The following ARHGAP8 variants were observed in gnomAD, a reference collection of about 807,000 sequenced individuals.
ARHGAP8 encodes the protein rho GTPase-activating protein 8.
Under a neutral mutation model 46.1 loss-of-function variants are expected in ARHGAP8, and 62 were observed. The observed-to-expected ratio is 1.34, with a 90% confidence interval of 1.10 to 1.66. ARHGAP8 has a LOEUF of 1.66. ARHGAP8 is among the 40% of genes most tolerant of loss of function. The pLI is 0.00. For missense variants in ARHGAP8, 923 were observed against 568.4 expected, an observed-to-expected ratio of 1.62 and a Z score of -6.34; for synonymous variants, 375 against 243.1, an observed-to-expected ratio of 1.54 and a Z score of -5.05.
rs1159919420 is a variant in ARHGAP8, at chr22:44,763,450, C to A, written c.-72+10823C>A. 3.4e-5 allele frequency among the ~76,000 whole-genome samples: 5 copies of A among 145,326 alleles called. No homozygotes were observed. In the Admixed American group the frequency reaches 3.4e-4, roughly 10 times the overall value. The stretch of plus-strand genomic sequence containing the variant: ...AGGCAGAGGTTGCACCGAGATCACG[C>A]CACTGCATTCCAGCCCGGGTGACAA... On this transcript the variant is annotated intron_variant, in intron 1 of 11. Transcript: ENST00000356099.
At chr22:44,818,450 C>CAAAAA (rs749292883) in intron 5 of ARHGAP8, among the ~76,000 whole-genome samples, 5 of 125,426 alleles carry the variant, frequency 4.0e-5, no homozygotes, top group African/African-American at 1.4e-4. Flanking sequence ...ACTCCAGTCT[C>CAAAAA]AAAAAAAAAA....
chr22:44,763,398 G>A (rs1350175931), intron 1 of ARHGAP8, among the ~76,000 whole-genome samples: 1 of 148,638 alleles, frequency 6.7e-6, no homozygotes, highest in Non-Finnish European at 1.5e-5. Flanking sequence ...TCGGGAGGCT[G>A]AGACACAAGA....
At chr22:44,774,934 G>A (rs951520223) in intron 1 of ARHGAP8, among the ~76,000 whole-genome samples, 33 of 152,020 alleles carry the variant, frequency 2.2e-4, no homozygotes, top group African/African-American at 6.3e-4. Flanking sequence ...GGGTTCAAGT[G>A]ATTCTCCTAC....
At position 44,801,173 on chromosome 22, in the gene ARHGAP8, G is replaced by T. The variant is rs532095111; in HGVS notation, c.80-904G>T. On this transcript the variant is annotated intron_variant, in intron 2 of 11. Transcript: ENST00000356099. ...CCTCTCCCCGCAGCTGTCCATGTGTGGGGGGCGCCCCTCCCCGCAGCTGTC... is the reference window on the plus strand; with the variant it reads ...CCTCTCCCCGCAGCTGTCCATGTGTTGGGGGCGCCCCTCCCCGCAGCTGTC... Among the ~76,000 whole-genome samples the T allele has an allele frequency of 5.6e-5, 4 of 71,684 alleles. No individual in the cohort carries two copies. In the East Asian group the frequency reaches 1.9e-3, roughly 34 times the overall value. The allele number at this position is 71,684 out of a possible 152,430, so 47.0% of individuals were successfully genotyped here.
intron 10 of ARHGAP8, among the ~76,000 whole-genome samples, chr22:44,852,081 C>G (rs1226999354): frequency 6.7e-6 from 1 of 149,828 alleles, no homozygotes; most frequent in African/African-American, 2.5e-5. Flanking sequence ...ATCCTAGCTA[C>G]TCAGGAGGCT....
chr22:44,760,584 C>T (rs868840191), intron 1 of ARHGAP8, among the ~76,000 whole-genome samples: 2 of 152,200 alleles, frequency 1.3e-5, no homozygotes, highest in African/African-American at 2.4e-5. Context: ...CCCTGCACAT[C>T]GGACTTGCCA....
intron 2 of ARHGAP8, among the ~76,000 whole-genome samples, chr22:44,795,050 A>C (rs1032110459): frequency 6.6e-6 from 1 of 151,872 alleles, no homozygotes; most frequent in Non-Finnish European, 1.5e-5. Context: ...CAAAAAAAAA[A>C]AAAACAAAAA....
intron 8 of ARHGAP8, 50 bp downstream of exon 8, chr22:44,845,392 C>A (rs1602256756): frequency 6.2e-7 from 1 of 1,611,842 alleles, no homozygotes. Flanking sequence ...GCTGGGTGCA[C>A]CTCTCTGGGT....
chr22:44,784,196 G>C (rs368295605), intron 1 of ARHGAP8, among the ~76,000 whole-genome samples: 1 of 152,078 alleles, frequency 6.6e-6, no homozygotes, highest in African/African-American at 2.4e-5. Flanking sequence ...TTGAGGCCAG[G>C]GGTTCGAGAC....
chr22:44,846,874 TA>T (rs1234419036), intron 8 of ARHGAP8, among the ~76,000 whole-genome samples: 2 of 150,470 alleles, frequency 1.3e-5, no homozygotes, highest in African/African-American at 4.9e-5. Flanking sequence ...GGGTCCCTGT[TA>T]GGGGGGTTGA....
intron 10 of ARHGAP8, among the ~76,000 whole-genome samples, chr22:44,857,068 G>A (rs1185475904): frequency 7.0e-6 from 1 of 142,394 alleles, no homozygotes; most frequent in Non-Finnish European, 1.5e-5. Context: ...AGCCTCCCAA[G>A]TAGCTGGGAT....
At chr22:44,858,239 T>C (rs906493239) in intron 10 of ARHGAP8, among the ~76,000 whole-genome samples, 1 of 151,820 alleles carries the variant, frequency 6.6e-6, no homozygotes, top group African/African-American at 2.4e-5. Flanking sequence ...AGTGGGAGGG[T>C]GATTGGTGTG....
intron 11 of ARHGAP8, among the ~76,000 whole-genome samples, chr22:44,860,062 C>T (rs369916655): frequency 6.6e-6 from 1 of 151,916 alleles, no homozygotes; most frequent in East Asian, 1.9e-4. Context: ...CTGCCTGCTC[C>T]TGTACCTGCT....
At chr22:44,859,155 A>G (rs1297977722) in intron 10 of ARHGAP8, among the ~76,000 whole-genome samples, 1 of 152,186 alleles carries the variant, frequency 6.6e-6, no homozygotes, top group Non-Finnish European at 1.5e-5. Flanking sequence ...CTGATAAAGC[A>G]GAGGGATGGA....
intron 10 of ARHGAP8, among the ~76,000 whole-genome samples, chr22:44,851,496 C>T (rs1042330059): frequency 6.6e-6 from 1 of 152,110 alleles, no homozygotes; most frequent in African/African-American, 2.4e-5. Flanking sequence ...ACTGCAACCT[C>T]CACCTGACAT....
chr22:44,779,097 CTTTT>C (rs532665716), intron 1 of ARHGAP8, among the ~76,000 whole-genome samples: 1 of 26,104 alleles, frequency 3.8e-5, no homozygotes, highest in African/African-American at 1.5e-4. Context: ...TGGTCTCTGA[CTTTT>C]TTTTTTTTTT....
chr22:44,820,120 T>C (rs1302056571), intron 5 of ARHGAP8, among the ~76,000 whole-genome samples: 1 of 152,202 alleles, frequency 6.6e-6, no homozygotes, highest in Non-Finnish European at 1.5e-5. Context: ...TCCCCGCAGG[T>C]GGTGCCTGTG....
chr22:44,855,567 AT>A (rs2070200095), intron 10 of ARHGAP8, among the ~76,000 whole-genome samples: 1 of 152,034 alleles, frequency 6.6e-6, no homozygotes, highest in South Asian at 2.1e-4. Context: ...GGCCCTAAAG[AT>A]TTTTTTCTTT....
In ARHGAP8 at chr22:44,862,507, A is replaced by C; in HGVS notation, c.1214A>C (p.Gln405Pro). Reference sequence around the variant, plus strand: ...CAGGGGAGCAGGGCAGCCCCTTTGCAGGAGGCTGTGCCACGGACACAAGCC... The same window carrying C: ...CAGGGGAGCAGGGCAGCCCCTTTGCCGGAGGCTGTGCCACGGACACAAGCC... ...WEQGSRAAPL[Q>P]EAVPRTQATG... Residue 405 changes from glutamine to proline, a missense_variant, in exon 12 of 12, where the codon CAG (glutamine) becomes CCG (proline). Coordinates refer to ENST00000356099, the MANE Select transcript of ARHGAP8 (RefSeq NM_181335.3). 1.9e-6 allele frequency: 3 copies of C among 1,613,316 alleles called. No homozygotes were observed. The highest frequency in any genetic ancestry group is 3.3e-4 in the Middle Eastern group (2 of 6,058).
Sources: allele counts gnomAD v4.1 joint callset (sites outside exome capture counted in the v4.1 genomes callset), GRCh38; gene constraint gnomAD v4.1.1; transcripts MANE v1.5; gene names NCBI Gene and HGNC (gene_info 2026-07-23, HGNC 2026-07-21).